The following ZNF721 variants were observed in gnomAD, a reference collection of about 807,000 sequenced individuals.
ZNF721 encodes the protein zinc finger protein 721.
A neutral mutation model predicts 2.4 loss-of-function variants in ZNF721; 2 were observed. That is an observed-to-expected ratio of 0.82 (90% confidence interval 0.34 to 2.58). The LOEUF is 2.58. Ranked by LOEUF, ZNF721 falls within the 30% of genes most tolerant of loss-of-function variation. The probability of loss-of-function intolerance (pLI) is 0.11; values close to 1 mark genes in which losing one functional copy is unlikely to be tolerated. For missense variants in ZNF721, 1,187 were observed against 1,085.5 expected, an observed-to-expected ratio of 1.09 and a Z score of -1.31; for synonymous variants, 398 against 381.8, an observed-to-expected ratio of 1.04 and a Z score of -0.50.
chr4:498,457 T>C (rs1716415018), intron 1 of ZNF721, among the ~76,000 whole-genome samples: 2 of 152,116 alleles, frequency 1.3e-5, no homozygotes, highest in African/African-American at 4.8e-5. Context: ...GAGCTTGTCT[T>C]TTCCCTTAGT....
intron 1 of ZNF721, among the ~76,000 whole-genome samples, chr4:496,110 G>C (rs1553872168): frequency 6.6e-6 from 1 of 151,572 alleles, no homozygotes; most frequent in African/African-American, 2.4e-5. Context: ...TTTTCCTTTT[G>C]CTGGCCGTTT....
intron 1 of ZNF721, among the ~76,000 whole-genome samples, chr4:475,665 G>C (rs1173165312): frequency 6.6e-6 from 1 of 151,662 alleles, no homozygotes; most frequent in Non-Finnish European, 1.5e-5. Flanking sequence ...CAACCTGTTA[G>C]CTATGCATGA....
At chr4:487,794 G>A (rs140607960) in intron 1 of ZNF721, among the ~76,000 whole-genome samples, 6,351 of 152,228 alleles carry the variant, frequency 0.042, 180 homozygotes, top group African/African-American at 0.082. Flanking sequence ...AAAACACCAA[G>A]GTCTGGGAGC....
At chr4:463,137 C>T (rs1219357429) in intron 2 of ZNF721, among the ~76,000 whole-genome samples, 6 of 152,084 alleles carry the variant, frequency 3.9e-5, no homozygotes, top group African/African-American at 7.2e-5. Context: ...TTTATGTGGC[C>T]AACAAACATA....
At chr4:466,552 T>G (rs553978850) in intron 2 of ZNF721, among the ~76,000 whole-genome samples, 8 of 152,226 alleles carry the variant, frequency 5.3e-5, no homozygotes, top group East Asian at 1.9e-4. Flanking sequence ...TGCTGCAAAT[T>G]TGCAGCCATT....
chr4:452,713 G>A (rs1053546213), intron 2 of ZNF721, among the ~76,000 whole-genome samples: 1 of 152,148 alleles, frequency 6.6e-6, no homozygotes, highest in African/African-American at 2.4e-5. Context: ...ACTGCCATAG[G>A]CTGGCAAAGC....
chr4:456,760 T>TA (rs1714861807), intron 2 of ZNF721, among the ~76,000 whole-genome samples: 1 of 152,132 alleles, frequency 6.6e-6, no homozygotes, highest in African/African-American at 2.4e-5. Flanking sequence ...ACGCCTGTAG[T>TA]ACCAGCTACT....
At chr4:470,872 C>T (rs1050879302) in intron 2 of ZNF721, among the ~76,000 whole-genome samples, 6 of 151,380 alleles carry the variant, frequency 4.0e-5, no homozygotes, top group Non-Finnish European at 5.9e-5. Flanking sequence ...TGGTGGTGTG[C>T]ACCAGGAATC....
At chr4:482,066 A>T (rs1252909248) in intron 1 of ZNF721, among the ~76,000 whole-genome samples, 3 of 152,240 alleles carry the variant, frequency 2.0e-5, no homozygotes, top group Non-Finnish European at 2.9e-5. Flanking sequence ...ATTTTGGGCG[A>T]GTCAGTAAAG....
intron 1 of ZNF721, among the ~76,000 whole-genome samples, chr4:484,386 A>G (rs78601157): frequency 6.6e-6 from 1 of 152,254 alleles, no homozygotes; most frequent in Non-Finnish European, 1.5e-5. Context: ...AAAGAACAGG[A>G]TAACAGCAGT....
chr4:460,689 G>T (rs1389135803), intron 2 of ZNF721, among the ~76,000 whole-genome samples: 5 of 145,570 alleles, frequency 3.4e-5, no homozygotes, highest in African/African-American at 1.2e-4. Flanking sequence ...CAACAAAATA[G>T]ATAGACCACT....
At chr4:481,039 A>T (rs1715759079) in intron 1 of ZNF721, among the ~76,000 whole-genome samples, 3 of 152,108 alleles carry the variant, frequency 2.0e-5, no homozygotes, top group African/African-American at 7.2e-5. Flanking sequence ...CTCCCAACTC[A>T]GCCATCCAAG....
In ZNF721 at chr4:441,092, C is replaced by G. The variant is rs1265994132; in HGVS notation, c.*603G>C. ...TAAGCAACTGCTTCAGAGTTTTCCT[C>G]TAGTACAAAATGCATATAGTAAGTT... On this transcript the variant is annotated 3_prime_UTR_variant, in exon 3 of 3. Transcript: ENST00000511833. The G allele has an allele frequency of 5.9e-5, 9 of 152,242 alleles. No homozygotes were observed. Among genetic ancestry groups the G allele is most frequent in the African/African-American group, 2.2e-4 (9 of 41,464 alleles). The allele number at this position is 152,242 out of a possible 1,614,324, so 9.4% of individuals were successfully genotyped here.
chr4:454,420 C>T (rs1206386623), intron 2 of ZNF721, among the ~76,000 whole-genome samples: 11 of 152,206 alleles, frequency 7.2e-5, no homozygotes, highest in Admixed American at 7.2e-4. Flanking sequence ...GGAATTTGCT[C>T]AGCTGTGTAC....
At chr4:458,183 T>C (rs947575609) in intron 2 of ZNF721, among the ~76,000 whole-genome samples, 3 of 152,218 alleles carry the variant, frequency 2.0e-5, no homozygotes, top group Non-Finnish European at 2.9e-5. Context: ...AACTGGAAGC[T>C]TTTTTCCTCA....
At chr4:487,143 A>G (rs560900314) in intron 1 of ZNF721, among the ~76,000 whole-genome samples, 1 of 152,318 alleles carries the variant, frequency 6.6e-6, no homozygotes, top group Admixed American at 6.5e-5. Flanking sequence ...AAAATTTCTT[A>G]TTGTATTCAT....
At chr4:477,481 G>A (rs1321802427) in intron 1 of ZNF721, among the ~76,000 whole-genome samples, 5 of 151,756 alleles carry the variant, frequency 3.3e-5, no homozygotes, top group East Asian at 3.9e-4. Flanking sequence ...CTCGTGATCC[G>A]CCTGCCTCGG....
intron 1 of ZNF721, among the ~76,000 whole-genome samples, chr4:492,437 G>A (rs1184727087): frequency 6.6e-6 from 1 of 151,980 alleles, no homozygotes; most frequent in East Asian, 1.9e-4. Context: ...TGAACTTCAG[G>A]TTAAAAAAAG....
intron 2 of ZNF721, among the ~76,000 whole-genome samples, chr4:446,410 T>C (rs1365901400): frequency 6.7e-6 from 1 of 148,726 alleles, no homozygotes; most frequent in Non-Finnish European, 1.5e-5. Context: ...AGACAGAGTC[T>C]CACTCTGTCA....
Sources: allele counts gnomAD v4.1 joint callset (sites outside exome capture counted in the v4.1 genomes callset), GRCh38; gene constraint gnomAD v4.1.1; transcripts MANE v1.5; gene names NCBI Gene and HGNC (gene_info 2026-07-23, HGNC 2026-07-21).